Variants in UBR7 observed in about 807,000 individuals in gnomAD.
The protein encoded by UBR7 is ubiquitin protein ligase E3 component n-recognin 7.
Under a neutral mutation model 57.0 loss-of-function variants are expected in UBR7, and 22 were observed. That is an observed-to-expected ratio of 0.39 (90% CI 0.28 to 0.55). The LOEUF (loss-of-function observed/expected upper bound fraction) is 0.55. UBR7 is among the 20% of genes least tolerant of loss of function. The probability of loss-of-function intolerance (pLI) is 0.69; values close to 1 mark genes in which losing one functional copy is unlikely to be tolerated. For synonymous variants in UBR7, 167 were observed against 179.8 expected (o/e 0.93, Z 0.57); for missense variants, 395 against 513.2 (o/e 0.77, Z 2.23).
rs1157684244 is a variant in UBR7 at position 93,209,856 on chromosome 14, T to C, written c.183T>C (p.Cys61=). The C allele has an allele frequency of 6.2e-7, 1 of 1,614,026 alleles. No individual in the cohort carries two copies. The highest frequency in any genetic ancestry group is 1.3e-5 in the African/African-American group (1 of 75,040). The change falls in exon 2 of 11, where the codon TGT becomes TGC. Residue 61 remains cysteine, a synonymous_variant. Transcript: ENST00000013070. ...TAAAGAGACAAGCACTATATGCCTG[T>C]AGTACCTGCACCCCAGAGGGAGAAG... is the stretch of plus-strand genomic sequence containing the variant. The part of the protein sequence containing the change: ...GSVKRQALYA[C]STCTPEGEEP...
chr14:93,228,462 A>G lies in UBR7; in HGVS notation c.*1427A>G. 1 of 454,130 alleles carries G rather than the reference A, an allele frequency of 2.2e-6. No individual in the cohort carries two copies. The highest frequency in any genetic ancestry group is 1.6e-5 in the South Asian group (1 of 64,478). 28.1% of individuals were successfully genotyped at this position (454,130 alleles called of 1,614,324 possible). On this transcript the variant is annotated 3_prime_UTR_variant, in exon 11 of 11. Coordinates refer to ENST00000013070, the MANE Select transcript of UBR7 (RefSeq NM_175748.4). Reference sequence around the variant, plus strand: ...TTATGTGTCCAGCATCTGTGTATTCATTCGAGTGCCCAATCCCTGGATGAG... The same window carrying G: ...TTATGTGTCCAGCATCTGTGTATTCGTTCGAGTGCCCAATCCCTGGATGAG...
At position 93,228,408 on chromosome 14, in the gene UBR7, T is replaced by C. The variant is rs766456857; in HGVS notation, c.*1373T>C. The C allele has an allele frequency of 2.0e-5, 9 of 454,278 alleles. No individual in the cohort carries two copies. The Admixed American group carries it at 2.1e-4, about 11-fold the overall frequency. The allele number at this position is 454,278 out of a possible 1,614,324, so 28.1% of individuals were successfully genotyped here. A position where few individuals can be genotyped will look rare whatever the true frequency, so the allele number is the denominator to read the frequency against. ...GTATGTTAATAAAAGCATTTCAGGC[T>C]GTGGGGCCACCATGTATATTAATAC... On this transcript the variant is annotated 3_prime_UTR_variant, in exon 11 of 11. Transcript: ENST00000013070.
intron 9 of UBR7, 90 bp from the exon 10 acceptor site, chr14:93,222,223 A>G (rs1290365343): frequency 1.1e-6 from 1 of 889,634 alleles, no homozygotes; most frequent in East Asian, 2.6e-5. Context: ...CTACATTATT[A>G]ACAGACTCAG....
At chr14:93,213,094 C>T (rs1894518516) in intron 4 of UBR7, among the ~76,000 whole-genome samples, 1 of 151,908 alleles carries the variant, frequency 6.6e-6, no homozygotes. Flanking sequence ...GCTGGGATTG[C>T]GGCACTGCAC....
chr14:93,219,009 C>T (rs1178364367), intron 7 of UBR7, among the ~76,000 whole-genome samples: 1 of 151,390 alleles, frequency 6.6e-6, no homozygotes, highest in East Asian at 1.9e-4. Flanking sequence ...GATCCGAGAT[C>T]ATGCCACTGC....
At chr14:93,214,747 G>A (rs2140100757) in intron 4 of UBR7, among the ~76,000 whole-genome samples, 182 bp from the exon 5 acceptor site, 1 of 152,362 alleles carries the variant, frequency 6.6e-6, no homozygotes, top group South Asian at 2.1e-4. Context: ...GTGAGAATCA[G>A]ATATTAAGTA....
At chr14:93,211,963 AT>A in intron 3 of UBR7, 68 bp from the exon 4 acceptor site, 1 of 1,269,310 alleles carries the variant, frequency 7.9e-7, no homozygotes, top group Non-Finnish European at 1.1e-6. Context: ...GAATGCATAA[AT>A]TTTATAATGT....
chr14:93,223,763 T>C, intron 10 of UBR7: 1 of 752,334 alleles, frequency 1.3e-6, no homozygotes, highest in South Asian at 1.4e-5. Flanking sequence ...AGGATCTCGA[T>C]GGAATGGGCC....
In UBR7 at chr14:93,207,419, C is replaced by T. The variant is rs750528471; in HGVS notation, c.128C>T (p.Ser43Phe). 1.9e-5 allele frequency: 29 copies of T among 1,553,756 alleles called. No individual in the cohort carries two copies. The Admixed American group carries it at 5.7e-4, about 31-fold the overall frequency. Residue 43 changes from serine (S) to phenylalanine (F), a missense_variant, in exon 1 of 11, where the codon TCC (serine) becomes TTC (phenylalanine). By Grantham distance (155) the Ser-to-Phe change is radical (BLOSUM62 -2). Coordinates refer to ENST00000013070, the MANE Select transcript of UBR7 (RefSeq NM_175748.4). ...EACAVLGGSD[S>F]EKCSYSQGSV... ...TGCGCTGTCCTGGGCGGCAGCGACTCCGAGAAGTGCTCCTACTCTCAGGTG... is the reference window on the plus strand; with the variant it reads ...TGCGCTGTCCTGGGCGGCAGCGACTTCGAGAAGTGCTCCTACTCTCAGGTG...
rs563323047 is a variant in UBR7 at position 93,228,789 on chromosome 14, C to G, written c.*1754C>G. 17 of 454,094 alleles carry G rather than the reference C, an allele frequency of 3.7e-5. No homozygotes were observed. The highest frequency in any genetic ancestry group is 3.4e-4 in the African/African-American group (17 of 50,118). 28.1% of individuals were successfully genotyped at this position (454,094 alleles called of 1,614,324 possible). On this transcript the variant is annotated 3_prime_UTR_variant, in exon 11 of 11. Coordinates refer to ENST00000013070, the MANE Select transcript of UBR7 (RefSeq NM_175748.4). ...CCATCATGTCCGGAAAACTTTTAAT[C>G]TTCTCAAATATCTGATGTAACTACC...
chr14:93,226,884 C>T, intron 10 of UBR7, 59 bp from the exon 11 acceptor site: 2 of 1,188,558 alleles, frequency 1.7e-6, no homozygotes, highest in South Asian at 2.5e-5. Context: ...AATGCTATGA[C>T]CTCGGATTGC....
rs3742709 is a variant in UBR7 at position 93,228,672 on chromosome 14, G to A, written c.*1637G>A. The A allele has an allele frequency of 0.091, 41,246 of 454,002 alleles. 2,055 individuals carry two copies. The highest frequency in any genetic ancestry group is 0.13 in the Middle Eastern group (194 of 1,444). 28.1% of individuals were successfully genotyped at this position (454,002 alleles called of 1,614,324 possible). On this transcript the variant is annotated 3_prime_UTR_variant, in exon 11 of 11. Transcript: ENST00000013070. ...TGCAGAGGGCTCCGTTCAAAGGCTC[G>A]GGGTGTCTTTGAGGTTGTTTATCAA...
intron 10 of UBR7, among the ~76,000 whole-genome samples, chr14:93,224,661 G>T (rs147167721): frequency 9.8e-5 from 15 of 152,324 alleles, no homozygotes; most frequent in Non-Finnish European, 1.5e-4. Context: ...ACAGGCATGA[G>T]CCACCTCGCC....
At chr14:93,212,873 A>G (rs564486103) in intron 4 of UBR7, among the ~76,000 whole-genome samples, 1 of 152,320 alleles carries the variant, frequency 6.6e-6, no homozygotes, top group African/African-American at 2.4e-5. Context: ...ATTATAAAGA[A>G]AGCTAGAGTG....
chr14:93,222,699 CG>C (rs1894734408), intron 10 of UBR7, among the ~76,000 whole-genome samples: 1 of 151,552 alleles, frequency 6.6e-6, no homozygotes, highest in African/African-American at 2.4e-5. Context: ...GCCGAGAACA[CG>C]CCACTGCACC....
In UBR7 at chr14:93,228,288, T is replaced by C. The variant is rs1337546575; in HGVS notation, c.*1253T>C. 8.7e-6 allele frequency: 4 copies of C among 458,482 alleles called. No homozygotes were observed. In the East Asian group the frequency reaches 2.7e-4, roughly 31 times the overall value. 28.4% of individuals were successfully genotyped at this position (458,482 alleles called of 1,614,324 possible). A position where few individuals can be genotyped will look rare whatever the true frequency, so the allele number is the denominator to read the frequency against. On this transcript the variant is annotated 3_prime_UTR_variant, in exon 11 of 11. Coordinates refer to ENST00000013070, the MANE Select transcript of UBR7 (RefSeq NM_175748.4). ...GATCTCTTTAACACCCCTCAGTCTA[T>C]GTAGGAAATGCCTTGTGATACATAG...
chr14:93,207,516 C>G (rs969317481), intron 1 of UBR7, 75 bp downstream of exon 1: 1 of 1,462,804 alleles, frequency 6.8e-7, no homozygotes, highest in Non-Finnish European at 9.0e-7. Flanking sequence ...TGTCCCTATT[C>G]CCGCCTTGCC....
At chr14:93,218,869 A>G (rs1016339079) in intron 7 of UBR7, 134 bp downstream of exon 7, 2 of 900,168 alleles carry the variant, frequency 2.2e-6, no homozygotes, top group African/African-American at 3.4e-5. Flanking sequence ...AGCCTTGGCA[A>G]CATGGGTAAA....
chr14:93,218,139 G>C (rs1894627814), intron 6 of UBR7, among the ~76,000 whole-genome samples: 1 of 151,774 alleles, frequency 6.6e-6, no homozygotes, highest in Non-Finnish European at 1.5e-5. Context: ...GCCTGATGTG[G>C]TGGCTCACAC....
Sources: allele counts gnomAD v4.1 joint callset (sites outside exome capture counted in the v4.1 genomes callset), GRCh38; gene constraint gnomAD v4.1.1; transcripts MANE v1.5; gene names NCBI Gene and HGNC (gene_info 2026-07-23, HGNC 2026-07-21).